CNTNAP4: variants seen among roughly 807,000 people sequenced by gnomAD.
CNTNAP4 encodes the protein contactin-associated protein-like 4.
CNTNAP4 carries 98 observed loss-of-function variants against 148.4 expected under a neutral mutation model. The observed-to-expected ratio is 0.66, with a 90% confidence interval of 0.56 to 0.78. The LOEUF is 0.78. Ranked by LOEUF, CNTNAP4 falls within the 30% of genes least tolerant of loss-of-function variation. The probability of loss-of-function intolerance (pLI) is 0.00; values close to 1 mark genes in which losing one functional copy is unlikely to be tolerated. For synonymous variants in CNTNAP4, 730 were observed against 565.1 expected, an observed-to-expected ratio of 1.29 and a Z score of -4.14; for missense variants, 1,935 against 1,565.6, an observed-to-expected ratio of 1.24 and a Z score of -3.98.
chr16:76,472,305 C>A (rs1245431701), intron 10 of CNTNAP4, among the ~76,000 whole-genome samples: 1 of 151,952 alleles, frequency 6.6e-6, no homozygotes, highest in African/African-American at 2.4e-5. Flanking sequence ...ACAATTTAAT[C>A]TTTCACATTT....
chr16:76,457,890 C>T (rs2080795301), intron 8 of CNTNAP4, among the ~76,000 whole-genome samples: 1 of 149,932 alleles, frequency 6.7e-6, no homozygotes, highest in East Asian at 1.9e-4. Context: ...TCAATTGAAC[C>T]CATTACCCAA....
chr16:76,377,501 G>A (rs929884045), intron 3 of CNTNAP4, among the ~76,000 whole-genome samples: 1 of 152,158 alleles, frequency 6.6e-6, no homozygotes, highest in African/African-American at 2.4e-5. Context: ...TGCAATGCTA[G>A]GAAATGATTA....
chr16:76,364,997 T>TC (rs928771207), intron 3 of CNTNAP4, among the ~76,000 whole-genome samples: 56 of 152,334 alleles, frequency 3.7e-4, no homozygotes, highest in African/African-American at 1.3e-3. Flanking sequence ...CTAGGGTTTT[T>TC]ATGGTTATAG....
chr16:76,544,463 C>A (rs183408841), intron 21 of CNTNAP4, among the ~76,000 whole-genome samples: 1 of 152,206 alleles, frequency 6.6e-6, no homozygotes, highest in Admixed American at 6.5e-5. Flanking sequence ...TCAAACTGTA[C>A]TCTGATGACA....
At chr16:76,460,986 G>T (rs1011452431) in intron 8 of CNTNAP4, among the ~76,000 whole-genome samples, 1 of 151,392 alleles carries the variant, frequency 6.6e-6, no homozygotes, top group African/African-American at 2.4e-5. Context: ...TTTTATGTGT[G>T]TTTCTGTTTA....
At chr16:76,418,060 G>A (rs1475026420) in intron 3 of CNTNAP4, among the ~76,000 whole-genome samples, 1 of 150,632 alleles carries the variant, frequency 6.6e-6, no homozygotes, top group Non-Finnish European at 1.5e-5. Context: ...ACTGTAATTT[G>A]CATCTGATAT....
At chr16:76,523,032 T>C (rs921054372) in intron 17 of CNTNAP4, among the ~76,000 whole-genome samples, 1 of 152,084 alleles carries the variant, frequency 6.6e-6, no homozygotes, top group Non-Finnish European at 1.5e-5. Context: ...CCCAGAGTAC[T>C]AGGAAGACAG....
intron 3 of CNTNAP4, among the ~76,000 whole-genome samples, chr16:76,410,827 G>C (rs762564279): frequency 2.0e-5 from 3 of 151,526 alleles, no homozygotes; most frequent in Non-Finnish European, 3.0e-5. Context: ...AAATAATACT[G>C]TAGAGATAAT....
intron 4 of CNTNAP4, among the ~76,000 whole-genome samples, chr16:76,440,869 T>TGAC (rs1201555291): frequency 1.3e-5 from 2 of 152,058 alleles, no homozygotes; most frequent in Non-Finnish European, 2.9e-5. Context: ...CTTTTTCAAG[T>TGAC]GACAACCCCT....
At chr16:76,361,181 T>A (rs959963736) in intron 3 of CNTNAP4, among the ~76,000 whole-genome samples, 1 of 152,106 alleles carries the variant, frequency 6.6e-6, no homozygotes. Flanking sequence ...CTTGACAAAT[T>A]TTTAAGTGCA....
chr16:76,345,045 A>G (rs146753740), intron 2 of CNTNAP4, among the ~76,000 whole-genome samples: 19 of 152,334 alleles, frequency 1.2e-4, no homozygotes, highest in Admixed American at 1.3e-4. Flanking sequence ...GATATACACT[A>G]TGACATTTAG....
intron 2 of CNTNAP4, among the ~76,000 whole-genome samples, chr16:76,343,955 C>T (rs1429374807): frequency 1.3e-5 from 2 of 152,102 alleles, no homozygotes; most frequent in Admixed American, 1.3e-4. Flanking sequence ...GGCCAGGAGC[C>T]AGATGGAACT....
intron 17 of CNTNAP4, among the ~76,000 whole-genome samples, chr16:76,531,411 G>T (rs1302486196): frequency 6.6e-6 from 1 of 152,136 alleles, no homozygotes; most frequent in African/African-American, 2.4e-5. Flanking sequence ...TTATTCAGAT[G>T]CAGGCCCTCA....
At chr16:76,477,444 A>G (rs1222420671) in intron 11 of CNTNAP4, among the ~76,000 whole-genome samples, 2 of 152,118 alleles carry the variant, frequency 1.3e-5, no homozygotes, top group South Asian at 2.1e-4. Flanking sequence ...CCCTTGGTCT[A>G]TTACACTATA....
intron 21 of CNTNAP4, among the ~76,000 whole-genome samples, chr16:76,546,033 C>CAAA (rs34575100): frequency 2.9e-4 from 41 of 140,380 alleles, no homozygotes; most frequent in Non-Finnish European, 4.3e-4. Flanking sequence ...GACTCCATTT[C>CAAA]AAAAAAAAAA....
intron 12 of CNTNAP4, 27 bp downstream of exon 12, chr16:76,479,565 G>C: frequency 6.3e-7 from 1 of 1,592,066 alleles, no homozygotes; most frequent in Non-Finnish European, 8.5e-7. Context: ...TTATTTTACA[G>C]TTAAATTTGC....
intron 18 of CNTNAP4, among the ~76,000 whole-genome samples, chr16:76,536,672 G>C (rs2084228482): frequency 6.6e-6 from 1 of 152,058 alleles, no homozygotes; most frequent in South Asian, 2.1e-4. Flanking sequence ...TTTATTGTAT[G>C]ATATGTTGAA....
intron 3 of CNTNAP4, among the ~76,000 whole-genome samples, chr16:76,390,574 T>TTA (rs565195607): frequency 2.1e-5 from 3 of 144,748 alleles, no homozygotes; most frequent in African/African-American, 7.6e-5. Context: ...AAATAACAGG[T>TTA]AAAAAAAAAA....
chr16:76,283,359 T>G (rs532967533), intron 1 of CNTNAP4, among the ~76,000 whole-genome samples: 2 of 152,052 alleles, frequency 1.3e-5, no homozygotes, highest in East Asian at 3.9e-4. Context: ...CACATGCACA[T>G]GTATGTTCAT....
Sources: gnomAD v4.1 joint callset for allele counts (sites outside exome capture counted in the v4.1 genomes callset) on GRCh38, gnomAD v4.1.1 for gene constraint, MANE v1.5 for transcripts, NCBI Gene and HGNC (gene_info 2026-07-23, HGNC 2026-07-21) for gene names.